POR: variants seen among roughly 807,000 people sequenced by gnomAD.
The protein encoded by POR is cytochrome p450 oxidoreductase, also known as NADPH--cytochrome P450 reductase.
In POR, 56 loss-of-function variants were observed where a neutral mutation model predicts 84.0. The observed-to-expected ratio is 0.67, with a 90% CI of 0.54 to 0.83. The LOEUF (loss-of-function observed/expected upper bound fraction) is 0.83. POR is among the 40% of genes least tolerant of loss of function. The pLI is 0.00. For missense variants in POR, 938 were observed against 944.3 expected, an observed-to-expected ratio of 0.99 and a Z score of 0.09; for synonymous variants, 414 against 400.5, an observed-to-expected ratio of 1.03 and a Z score of -0.40.
At chr7:75,926,403 C>G (rs1807128680) in intron 1 of POR, among the ~76,000 whole-genome samples, 3 of 152,254 alleles carry the variant, frequency 2.0e-5, no homozygotes, top group African/African-American at 7.2e-5. Context: ...CGGCTCTGTT[C>G]CGATACTCCT....
rs781862803 is a variant in POR at position 75,954,037 on chromosome 7, G to A, written c.45G>A (p.Val15=). The change falls in exon 2 of 16, where the codon GTG becomes GTA. Residue 15 remains valine (V), a synonymous_variant. Transcript: ENST00000461988. ...CCCACGTGGACACCAGCTCCACCGT[G>A]TCCGAGGCGGTGGCCGAAGAAGTAT... is the stretch of plus-strand genomic sequence containing the variant. 11 of 1,609,626 alleles carry A rather than the reference G, an allele frequency of 6.8e-6. No homozygotes were observed. In the Admixed American group the frequency reaches 1.3e-4, roughly 20 times the overall value.
At chr7:75,966,626 G>A (rs940014722) in intron 2 of POR, among the ~76,000 whole-genome samples, 1 of 152,152 alleles carries the variant, frequency 6.6e-6, no homozygotes, top group East Asian at 1.9e-4. Context: ...TAAGGGCAGG[G>A]GACAGTCTCA....
rs1554559530 is a variant in POR, at chr7:75,986,483, G to A, written c.*2G>A. On this transcript the variant is annotated 3_prime_UTR_variant, in exon 16 of 16. Transcript: ENST00000461988. ...TACTCCCTGGACGTGTGGAGCTAGG[G>A]GCCTGCCTGCCCCACCCACCCCACA... The A allele has an allele frequency of 1.9e-6, 3 of 1,607,218 alleles. No homozygotes were observed. Among genetic ancestry groups the A allele is most frequent in the African/African-American group, 1.3e-5 (1 of 74,966 alleles).
chr7:75,970,441 T>G (rs1554555977), intron 2 of POR, among the ~76,000 whole-genome samples: 1 of 151,410 alleles, frequency 6.6e-6, no homozygotes, highest in Non-Finnish European at 1.5e-5. Context: ...AACACCCAGG[T>G]TCAAGGGATC....
chr7:75,981,685 G>A, intron 7 of POR, 79 bp downstream of exon 7: 1 of 1,177,380 alleles, frequency 8.5e-7, no homozygotes, highest in Non-Finnish European at 1.2e-6. Context: ...ACAAGGGCTG[G>A]CAGTGGGTCG....
intron 1 of POR, among the ~76,000 whole-genome samples, chr7:75,931,324 A>G (rs537158383): frequency 5.3e-5 from 8 of 151,018 alleles, no homozygotes; most frequent in African/African-American, 9.7e-5. Context: ...ACAAAGGGCC[A>G]CTTATTGTGT....
At chr7:75,959,167 G>C (rs1017474807) in intron 2 of POR, among the ~76,000 whole-genome samples, 1 of 152,188 alleles carries the variant, frequency 6.6e-6, no homozygotes, top group Non-Finnish European at 1.5e-5. Context: ...AAGCCCAGGA[G>C]TTGGAGACCA....
chr7:75,933,372 CTTTGTTTTTTTTTTTT>C (rs1457386179), intron 1 of POR, among the ~76,000 whole-genome samples: 1 of 79,592 alleles, frequency 1.3e-5, no homozygotes, highest in African/African-American at 4.5e-5. Flanking sequence ...TACAATAGGT[CTTTGTTTTTTTTTTTT>C]TTTTTTTTTT....
intron 12 of POR, 33 bp downstream of exon 12, chr7:75,985,240 C>T (rs782033693): frequency 6.4e-7 from 1 of 1,556,924 alleles, no homozygotes; most frequent in South Asian, 1.2e-5. Context: ...CAGCCACACG[C>T]TGGAGGCCCA....
Position 75,985,511 on chromosome 7 carries a change from G to T in POR, c.1399-68G>T, listed in dbSNP as rs1262415920. 9 of 1,446,646 alleles carry T rather than the reference G, an allele frequency of 6.2e-6. No homozygotes were observed. The South Asian group carries it at 1.3e-4, about 21-fold the overall frequency. The allele number at this position is 1,446,646 out of a possible 1,614,324, so 89.6% of individuals were successfully genotyped here. On this transcript the variant is annotated intron_variant, in intron 12 of 15. Coordinates refer to ENST00000461988, the MANE Select transcript of POR (RefSeq NM_000941.3). ...GGTGAGTGGGGCTGGCCTGCAGAAC[G>T]GGACTTGGGGCCGGGGCTGGGCAAG...
intron 1 of POR, among the ~76,000 whole-genome samples, chr7:75,935,073 C>T (rs1807600544): frequency 6.6e-6 from 1 of 152,146 alleles, no homozygotes; most frequent in Non-Finnish European, 1.5e-5. Context: ...CAACCTGTCC[C>T]TGGAAAAGCC....
chr7:75,955,306 C>T (rs1476233783), intron 2 of POR, among the ~76,000 whole-genome samples: 1 of 152,100 alleles, frequency 6.6e-6, no homozygotes, highest in Admixed American at 6.5e-5. Context: ...AAAAGAAAAA[C>T]GTTAAGGAAA....
chr7:75,949,257 C>T (rs572576210), intron 1 of POR, among the ~76,000 whole-genome samples: 151 of 151,822 alleles, frequency 9.9e-4, no homozygotes, highest in African/African-American at 3.5e-3. Context: ...CAGGTTCAAG[C>T]GATTCTCCTG....
chr7:75,940,073 T>C (rs1383363004), intron 1 of POR, among the ~76,000 whole-genome samples: 1 of 151,674 alleles, frequency 6.6e-6, no homozygotes, highest in South Asian at 2.1e-4. Flanking sequence ...CTCTTTACTC[T>C]TATTTTATTT....
rs374707345 is a variant in POR, at chr7:75,981,165, G to C, written c.634G>C (p.Asp212His). The C allele has an allele frequency of 1.3e-6, 2 of 1,541,666 alleles. No individual in the cohort carries two copies. The highest frequency in any genetic ancestry group is 1.8e-6 in the Non-Finnish European group (2 of 1,142,434). ...CTTTGAGCTGGGGTTGGGCGACGAC[G>C]ATGGGAAGTGAGTGCCCACCCTGCC... The change falls in exon 6 of 16, where the codon GAT (aspartate) becomes CAT (histidine). Residue 212 changes from aspartate to histidine, a missense_variant. Coordinates refer to ENST00000461988, the MANE Select transcript of POR (RefSeq NM_000941.3).
At chr7:75,923,130 A>G in intron 1 of POR, 1 of 943,882 alleles carries the variant, frequency 1.1e-6, no homozygotes, top group Non-Finnish European at 1.7e-6. Context: ...TGACCTGGGG[A>G]TTTCCAAATC....
intron 2 of POR, among the ~76,000 whole-genome samples, chr7:75,964,372 A>C (rs1044873537): frequency 1.3e-5 from 2 of 151,762 alleles, no homozygotes; most frequent in South Asian, 4.1e-4. Flanking sequence ...CAATGGCGCA[A>C]TCTCGGCTCA....
At chr7:75,969,326 C>T (rs1411580165) in intron 2 of POR, among the ~76,000 whole-genome samples, 1 of 152,154 alleles carries the variant, frequency 6.6e-6, no homozygotes, top group African/African-American at 2.4e-5. Context: ...CCTGTGCAGT[C>T]CCGTGCCTGT....
chr7:75,927,533 T>G (rs1807192163), intron 1 of POR, among the ~76,000 whole-genome samples: 1 of 151,892 alleles, frequency 6.6e-6, no homozygotes, highest in East Asian at 1.9e-4. Flanking sequence ...CTGATGAGTG[T>G]GGGATTTCCT....
Sources: allele counts gnomAD v4.1 joint callset (sites outside exome capture counted in the v4.1 genomes callset), GRCh38; gene constraint gnomAD v4.1.1; transcripts MANE v1.5; gene names NCBI Gene and HGNC (gene_info 2026-07-23, HGNC 2026-07-21).